Variants in WDR7 observed in about 807,000 individuals in gnomAD.
WDR7 encodes WD repeat domain 7.
In WDR7, 46 loss-of-function variants were observed where a neutral mutation model predicts 169.4. The ratio of observed to expected loss-of-function variants is 0.27; its 90% CI spans 0.21 to 0.35. WDR7 has a LOEUF of 0.35. Among genes scored for constraint, WDR7 ranks in the 10% least tolerant of loss-of-function variants. The probability of loss-of-function intolerance (pLI) is 1.00; values close to 1 mark genes in which losing one functional copy is unlikely to be tolerated. For missense variants in WDR7, 1,534 were observed against 1,859.3 expected (o/e 0.83, Z 3.22); for synonymous variants, 612 against 666.8 (o/e 0.92, Z 1.27).
chr18:56,810,327 C>T (rs1441669908), intron 19 of WDR7, among the ~76,000 whole-genome samples: 2 of 152,092 alleles, frequency 1.3e-5, no homozygotes, highest in Non-Finnish European at 2.9e-5. Flanking sequence ...GTTTCTCCTA[C>T]CCCTTTACTG....
chr18:56,749,233 G>C (rs1421269), intron 14 of WDR7, among the ~76,000 whole-genome samples: 2 of 151,782 alleles, frequency 1.3e-5, no homozygotes, highest in Non-Finnish European at 2.9e-5. Flanking sequence ...GCAATAAACC[G>C]TTTTTCACAT....
chr18:56,792,274 T>C (rs1232568050), intron 19 of WDR7, among the ~76,000 whole-genome samples: 2 of 152,146 alleles, frequency 1.3e-5, no homozygotes, highest in Non-Finnish European at 2.9e-5. Context: ...CTTCTTGACT[T>C]CTCAAAGTGC....
intron 26 of WDR7, among the ~76,000 whole-genome samples, chr18:56,964,505 C>T (rs1363137392): frequency 6.6e-6 from 1 of 152,030 alleles, no homozygotes; most frequent in Non-Finnish European, 1.5e-5. Flanking sequence ...CTCACTTCAG[C>T]CTCCCGAGTA....
Position 56,794,304 on chromosome 18 carries a change from ATTTTT to A in WDR7, c.3190+12667_3190+12671del, listed in dbSNP as rs566857049. On this transcript the variant is annotated intron_variant, in intron 19 of 27. Coordinates refer to ENST00000254442, the MANE Select transcript of WDR7 (RefSeq NM_015285.3). ...GTTTGTGTCTTAAAAGGTAAAGTCTATTTTTTTTTTTTTTTTTTTTTTTGAGACAG... is the reference window on the plus strand; with the variant it reads ...GTTTGTGTCTTAAAAGGTAAAGTCTATTTTTTTTTTTTTTTTTTGAGACAG... Among the ~76,000 whole-genome samples the A allele has an allele frequency of 3.2e-3, 160 of 49,468 alleles. 9 individuals carry two copies. In the East Asian group the frequency reaches 0.072, roughly 22 times the overall value. The allele number at this position is 49,468 out of a possible 152,430, so 32.5% of individuals were successfully genotyped here. A position where few individuals can be genotyped will look rare whatever the true frequency, so the allele number is the denominator to read the frequency against.
chr18:56,668,838 T>C (rs894782359), intron 1 of WDR7, among the ~76,000 whole-genome samples: 2 of 151,902 alleles, frequency 1.3e-5, no homozygotes, highest in Non-Finnish European at 2.9e-5. Flanking sequence ...TATTGAATAT[T>C]AAGTACTGGA....
downstream of WDR7, chr18:57,030,204 AT>A (rs1300299041): frequency 6.6e-6 from 1 of 152,188 alleles, no homozygotes. Context: ...AAAGGGTATA[AT>A]TGGTTTTCAG....
chr18:56,898,762 A>G (rs1051905418), intron 21 of WDR7, among the ~76,000 whole-genome samples: 2 of 152,096 alleles, frequency 1.3e-5, no homozygotes, highest in Non-Finnish European at 2.9e-5. Flanking sequence ...AACTAAATAC[A>G]GTGTGGGATC....
At chr18:56,675,036 T>C (rs1264649486) in intron 2 of WDR7, among the ~76,000 whole-genome samples, 1 of 152,228 alleles carries the variant, frequency 6.6e-6, no homozygotes, top group African/African-American at 2.4e-5. Flanking sequence ...TCTTTGTATG[T>C]GTTCTTATCC....
At chr18:56,661,767 T>C (rs925291135) in intron 1 of WDR7, among the ~76,000 whole-genome samples, 9 of 152,230 alleles carry the variant, frequency 5.9e-5, no homozygotes, top group Non-Finnish European at 1.2e-4. Flanking sequence ...GTAGTTTCTT[T>C]AGTGTGTTTT....
intron 21 of WDR7, among the ~76,000 whole-genome samples, chr18:56,893,296 G>GATGCACT (rs1391568811): frequency 6.6e-6 from 1 of 151,654 alleles, no homozygotes; most frequent in East Asian, 1.9e-4. Flanking sequence ...ATATTTGTAT[G>GATGCACT]TCTTAATATA....
intron 21 of WDR7, among the ~76,000 whole-genome samples, chr18:56,890,600 C>T (rs1445546286): frequency 6.6e-6 from 1 of 152,168 alleles, no homozygotes; most frequent in Non-Finnish European, 1.5e-5. Context: ...AACAGATATT[C>T]TTACCATTCA....
At chr18:56,975,403 A>G (rs1156402616) in intron 26 of WDR7, among the ~76,000 whole-genome samples, 1 of 152,022 alleles carries the variant, frequency 6.6e-6, no homozygotes. Context: ...TGTTTTTGTT[A>G]TGCCTGAAGC....
chr18:57,010,667 A>G (rs1176972005), intron 26 of WDR7, among the ~76,000 whole-genome samples: 1 of 152,232 alleles, frequency 6.6e-6, no homozygotes, highest in Non-Finnish European at 1.5e-5. Flanking sequence ...GAAAAGACAT[A>G]TCAATTATGT....
chr18:56,789,614 T>C (rs865998631), intron 19 of WDR7, among the ~76,000 whole-genome samples: 1 of 151,994 alleles, frequency 6.6e-6, no homozygotes, highest in African/African-American at 2.4e-5. Context: ...TTCACCTGCC[T>C]CTCTCTCTCT....
chr18:56,885,407 A>G (rs1568248354), intron 21 of WDR7, among the ~76,000 whole-genome samples: 1 of 151,958 alleles, frequency 6.6e-6, no homozygotes, highest in Admixed American at 6.6e-5. Flanking sequence ...ATGAAGGGAA[A>G]AATCTTCAGT....
intron 20 of WDR7, among the ~76,000 whole-genome samples, chr18:56,838,379 T>C (rs1373994279): frequency 3.3e-5 from 5 of 152,226 alleles, no homozygotes; most frequent in Non-Finnish European, 7.3e-5. Context: ...CTGGATCTCC[T>C]GCCCTTGAAT....
intron 20 of WDR7, among the ~76,000 whole-genome samples, chr18:56,877,683 G>A (rs954002959): frequency 7.2e-5 from 11 of 152,152 alleles, no homozygotes; most frequent in Admixed American, 2.0e-4. Context: ...CCATGCATAC[G>A]TTTGTTTATC....
chr18:56,756,762 A>G lies in WDR7; in HGVS notation c.2169A>G (p.Ala723=), dbSNP rs2043897708. 16 of 1,614,200 alleles carry G rather than the reference A, an allele frequency of 9.9e-6. No homozygotes were observed. The East Asian group carries it at 1.3e-4, about 13-fold the overall frequency. Residue 723 remains alanine, a synonymous_variant, in exon 15 of 28, where the codon GCA becomes GCG. Transcript: ENST00000254442. ...TTTCCCCAGAGAATTTGCAAAAAGC[A>G]TCTGGCAGTTCAGACAAAGGGGGCT... is the stretch of plus-strand genomic sequence containing the variant. ...ALISPENLQK[A]SGSSDKGGSF...
At chr18:56,805,596 T>C (rs2044759898) in intron 19 of WDR7, among the ~76,000 whole-genome samples, 1 of 152,152 alleles carries the variant, frequency 6.6e-6, no homozygotes, top group Admixed American at 6.5e-5. Flanking sequence ...TGCTTCTGGC[T>C]CTACCCAAAA....
Sources: gnomAD v4.1 joint callset for allele counts (sites outside exome capture counted in the v4.1 genomes callset) on GRCh38, gnomAD v4.1.1 for gene constraint, MANE v1.5 for transcripts, NCBI Gene and HGNC (gene_info 2026-07-23, HGNC 2026-07-21) for gene names.